Variants in SH2D4B observed in about 807,000 individuals in gnomAD.
The protein encoded by SH2D4B is SH2 domain containing 4B, also known as SH2 domain-containing protein 4B.
A neutral mutation model predicts 61.5 loss-of-function variants in SH2D4B; 45 were observed. The observed-to-expected ratio is 0.73, with a 90% confidence interval of 0.58 to 0.94. SH2D4B has a LOEUF of 0.94. SH2D4B is among the 40% of genes least tolerant of loss of function. The pLI is 0.00. For missense variants in SH2D4B, 572 were observed against 574.2 expected, an observed-to-expected ratio of 1.00 and a Z score of 0.04; for synonymous variants, 224 against 220.4, an observed-to-expected ratio of 1.02 and a Z score of -0.14.
intron 3 of SH2D4B, among the ~76,000 whole-genome samples, chr10:80,578,214 G>A (rs910252470): frequency 9.2e-5 from 14 of 152,180 alleles, no homozygotes; most frequent in African/African-American, 2.9e-4. Flanking sequence ...CAAGCAATCC[G>A]CCCATGTCAA....
chr10:80,586,929 A>G (rs926528408), intron 3 of SH2D4B, among the ~76,000 whole-genome samples: 28 of 148,660 alleles, frequency 1.9e-4, no homozygotes, highest in African/African-American at 7.1e-4. Flanking sequence ...GAGCTGTAAC[A>G]CTCACCGCGG....
intron 3 of SH2D4B, among the ~76,000 whole-genome samples, chr10:80,573,960 G>A (rs1260296886): frequency 6.6e-6 from 1 of 152,054 alleles, no homozygotes; most frequent in Admixed American, 6.5e-5. Context: ...GAATCTTCTT[G>A]TTCAGAAATG....
At chr10:80,642,643 G>A (rs1002139055) in intron 7 of SH2D4B, among the ~76,000 whole-genome samples, 4 of 152,182 alleles carry the variant, frequency 2.6e-5, no homozygotes, top group Admixed American at 6.5e-5. Context: ...TGGTATGGAT[G>A]CATATTACAG....
At chr10:80,557,264 A>G (rs1257310586) in intron 1 of SH2D4B, among the ~76,000 whole-genome samples, 1 of 152,064 alleles carries the variant, frequency 6.6e-6, no homozygotes, top group Non-Finnish European at 1.5e-5. Context: ...TATCCTTTTT[A>G]TATATTTCTG....
chr10:80,611,622 G>A (rs1842601565), intron 6 of SH2D4B, among the ~76,000 whole-genome samples: 1 of 152,220 alleles, frequency 6.6e-6, no homozygotes, highest in South Asian at 2.1e-4. Context: ...CTATGGTCAT[G>A]GAAGTGCAGC....
intron 1 of SH2D4B, among the ~76,000 whole-genome samples, chr10:80,555,398 G>C (rs1564767293): frequency 6.6e-6 from 1 of 152,170 alleles, no homozygotes; most frequent in Non-Finnish European, 1.5e-5. Context: ...CTGTGCACTT[G>C]CTTCTGCAGA....
intron 3 of SH2D4B, among the ~76,000 whole-genome samples, chr10:80,575,940 C>T (rs1421213587): frequency 6.6e-6 from 1 of 152,204 alleles, no homozygotes; most frequent in Non-Finnish European, 1.5e-5. Context: ...CTGGGTTTTG[C>T]ATATGATTAT....
At position 80,586,213 on chromosome 10, in the gene SH2D4B, C is replaced by G. The variant is rs372319652; in HGVS notation, c.496-2417C>G. Among the ~76,000 whole-genome samples, 5 of 152,178 alleles carry G rather than the reference C, an allele frequency of 3.3e-5. No individual in the cohort carries two copies. The East Asian group carries it at 7.8e-4, about 24-fold the overall frequency. On this transcript the variant is annotated intron_variant, in intron 3 of 7. Transcript: ENST00000646907. Reference sequence around the variant, plus strand: ...TCCACGACGAGCGCCGCCCCCTGCTCCATGCCGTCCAGTCCCATCAACCAC... The same window carrying G: ...TCCACGACGAGCGCCGCCCCCTGCTGCATGCCGTCCAGTCCCATCAACCAC...
chr10:80,567,254 C>G (rs1841981639), intron 1 of SH2D4B, among the ~76,000 whole-genome samples: 1 of 152,178 alleles, frequency 6.6e-6, no homozygotes, highest in African/African-American at 2.4e-5. Context: ...GACTAGAATT[C>G]GATCACATGG....
intron 1 of SH2D4B, among the ~76,000 whole-genome samples, chr10:80,553,600 A>G (rs935907820): frequency 6.6e-6 from 1 of 152,170 alleles, no homozygotes; most frequent in Non-Finnish European, 1.5e-5. Flanking sequence ...TTCTTGTTCT[A>G]GCAAGAGAGG....
rs145157629 is a variant in SH2D4B at position 80,547,207 on chromosome 10, C to T, written c.184+8692C>T. Among the ~76,000 whole-genome samples the T allele has an allele frequency of 2.1e-4, 32 of 152,316 alleles. No homozygotes were observed. The East Asian group carries it at 4.2e-3, about 20-fold the overall frequency. ...ACAAGTGATTTGTCCAATCAAGCAG[C>T]GCACCCCTCACTGTTGGGATTCTTA... On this transcript the variant is annotated intron_variant, in intron 1 of 7. Coordinates refer to ENST00000646907, the MANE Select transcript of SH2D4B (RefSeq NM_001388272.1).
chr10:80,625,573 C>CTTTTTTTTTTTTTTTTTTTTTTTTT (rs564697811), intron 6 of SH2D4B, among the ~76,000 whole-genome samples: 1 of 136,624 alleles, frequency 7.3e-6, no homozygotes. Context: ...TTTTCTTTTT[C>CTTTTTTTTTTTTTTTTTTTTTTTTT]TTTTTTTTTC....
intron 7 of SH2D4B, 47 bp from the exon 8 acceptor site, chr10:80,643,946 T>A: frequency 6.8e-7 from 1 of 1,472,276 alleles, no homozygotes. Context: ...AGATGTGTAT[T>A]TCCCTGTCTT....
chr10:80,631,823 T>A (rs1169918593), intron 6 of SH2D4B, among the ~76,000 whole-genome samples: 2 of 152,186 alleles, frequency 1.3e-5, no homozygotes, highest in Non-Finnish European at 2.9e-5. Context: ...TGGGGAGATG[T>A]TGGTCAAAGG....
chr10:80,615,233 A>G (rs991278217), intron 6 of SH2D4B, among the ~76,000 whole-genome samples: 1 of 152,216 alleles, frequency 6.6e-6, no homozygotes, highest in African/African-American at 2.4e-5. Context: ...GGCACTGCCA[A>G]TTACTGCAAG....
In SH2D4B at chr10:80,548,310, C is replaced by T. The variant is rs141265832; in HGVS notation, c.184+9795C>T. On this transcript the variant is annotated intron_variant, in intron 1 of 7. Coordinates refer to ENST00000646907, the MANE Select transcript of SH2D4B (RefSeq NM_001388272.1). ...CTCCTGAGTAGCTGGGATTAAGGTG[C>T]GTGCCACCATGCCCAGCTAATATTT... Among the ~76,000 whole-genome samples, 205 of 152,238 alleles carry T rather than the reference C, an allele frequency of 1.3e-3. 6 individuals are homozygous for T. The highest frequency in any genetic ancestry group is 0.012 in the Admixed American group (182 of 15,294).
At chr10:80,609,794 C>T (rs1842574069) in intron 6 of SH2D4B, among the ~76,000 whole-genome samples, 1 of 152,202 alleles carries the variant, frequency 6.6e-6, no homozygotes, top group Non-Finnish European at 1.5e-5. Context: ...ACCTCACAGC[C>T]TCTGTAGCCA....
chr10:80,637,257 T>A (rs368567814), intron 7 of SH2D4B, among the ~76,000 whole-genome samples: 1 of 152,220 alleles, frequency 6.6e-6, no homozygotes, highest in African/African-American at 2.4e-5. Flanking sequence ...CTTAGGATTG[T>A]CTTGGCAATG....
chr10:80,616,298 C>T (rs1402716966), intron 6 of SH2D4B, among the ~76,000 whole-genome samples: 1 of 152,216 alleles, frequency 6.6e-6, no homozygotes, highest in African/African-American at 2.4e-5. Context: ...TTTCTACCAA[C>T]TCTGACCTCA....
Sources: gnomAD v4.1 joint callset for allele counts (sites outside exome capture counted in the v4.1 genomes callset) on GRCh38, gnomAD v4.1.1 for gene constraint, MANE v1.5 for transcripts, NCBI Gene and HGNC (gene_info 2026-07-23, HGNC 2026-07-21) for gene names.